The following ARIH2 variants were observed in gnomAD, a reference collection of about 807,000 sequenced individuals.
ARIH2 encodes ariadne RBR E3 ubiquitin protein ligase 2.
A neutral mutation model predicts 79.8 loss-of-function variants in ARIH2; 12 were observed. That is an observed-to-expected ratio of 0.15 (90% CI 0.10 to 0.24). ARIH2 has a LOEUF of 0.24. Ranked by LOEUF, ARIH2 falls within the 10% of genes least tolerant of loss-of-function variation. ARIH2 has a pLI of 1.00. For missense variants in ARIH2, 301 were observed against 618.3 expected (o/e 0.49, Z 5.44); for synonymous variants, 224 against 213.9 (o/e 1.05, Z -0.41).
At chr3:48,945,236 C>G in intron 3 of ARIH2, 1 of 1,279,392 alleles carries the variant, frequency 7.8e-7, no homozygotes, top group Non-Finnish European at 1.0e-6. Flanking sequence ...TTTCTTTTTT[C>G]TGGGGGAAAA....
intron 11 of ARIH2, among the ~76,000 whole-genome samples, chr3:48,978,255 GA>G (rs1221594286): frequency 1.4e-5 from 2 of 147,640 alleles, no homozygotes; most frequent in South Asian, 2.1e-4. Context: ...ACATATAGGG[GA>G]TTTTTTTTTT....
intron 3 of ARIH2, chr3:48,934,492 C>T (rs754732955): frequency 1.7e-5 from 17 of 985,218 alleles, no homozygotes; most frequent in Non-Finnish European, 1.9e-5. Flanking sequence ...GGCCTGGTTA[C>T]ACTGAGTGTT....
intron 11 of ARIH2, among the ~76,000 whole-genome samples, chr3:48,977,488 C>G (rs993471623): frequency 6.7e-6 from 1 of 150,156 alleles, no homozygotes; most frequent in African/African-American, 2.5e-5. Context: ...GACAGAGTCT[C>G]ACTCTGTCGC....
chr3:48,935,239 A>G (rs978677896), intron 3 of ARIH2, among the ~76,000 whole-genome samples: 1 of 152,224 alleles, frequency 6.6e-6, no homozygotes, highest in Admixed American at 6.5e-5. Flanking sequence ...ATAACTGTAA[A>G]CAAAACAGAC....
chr3:48,966,097 A>G (rs1019836189), intron 5 of ARIH2, among the ~76,000 whole-genome samples: 1 of 152,196 alleles, frequency 6.6e-6, no homozygotes, highest in African/African-American at 2.4e-5. Flanking sequence ...CACCCCTACC[A>G]TAGAAGCTGT....
At chr3:48,958,700 C>G (rs531952081) in intron 3 of ARIH2, among the ~76,000 whole-genome samples, 4 of 150,068 alleles carry the variant, frequency 2.7e-5, no homozygotes, top group African/African-American at 9.8e-5. Flanking sequence ...CAGAAGGAGA[C>G]TCCATCTCAA....
intron 3 of ARIH2, among the ~76,000 whole-genome samples, chr3:48,959,207 T>C (rs1326506715): frequency 2.0e-5 from 3 of 147,512 alleles, no homozygotes; most frequent in Non-Finnish European, 4.5e-5. Context: ...TCCCAGCTAC[T>C]AGGGAGGCGG....
intron 3 of ARIH2, among the ~76,000 whole-genome samples, chr3:48,931,303 T>C (rs2086318763): frequency 6.6e-6 from 1 of 152,144 alleles, no homozygotes; most frequent in Non-Finnish European, 1.5e-5. Flanking sequence ...CCCAGCACTA[T>C]GGGAGGCCGA....
chr3:48,968,556 C>G lies in ARIH2; in HGVS notation c.561C>G (p.Asp187Glu), dbSNP rs763886213. Reference protein sequence around the residue: ...VGVGVSCMAQDCPLRTPEDFV... With the variant: ...VGVGVSCMAQECPLRTPEDFV... Reference sequence around the variant, plus strand: ...CAGGAGTCTCTTGCATGGCTCAGGACTGTCCACTCCGTACACCAGAGGACT... The same window carrying G: ...CAGGAGTCTCTTGCATGGCTCAGGAGTGTCCACTCCGTACACCAGAGGACT... The change falls in exon 7 of 16, where the codon GAC (aspartate) becomes GAG (glutamate). Residue 187 changes from aspartate to glutamate, a missense_variant. Asp to Glu is a conservative substitution (Grantham distance 45). Around this residue, in one of 2 missense-constraint regions of ARIH2, gnomAD observed 223 missense variants for 349.4 expected, o/e 0.64. Coordinates refer to ENST00000356401, the MANE Select transcript of ARIH2 (RefSeq NM_006321.4). The G allele has an allele frequency of 6.8e-6, 11 of 1,610,602 alleles. No individual in the cohort carries two copies. In the Admixed American group the frequency reaches 1.3e-4, roughly 20 times the overall value.
At chr3:48,920,247 C>T (rs572573667) in intron 1 of ARIH2, among the ~76,000 whole-genome samples, 1 of 151,934 alleles carries the variant, frequency 6.6e-6, no homozygotes, top group Non-Finnish European at 1.5e-5. Flanking sequence ...TCCTAAAGTG[C>T]TGGGATTACA....
Position 48,918,874 on chromosome 3 carries a change from A to C in ARIH2, c.-286A>C, listed in dbSNP as rs747753591. 6.2e-7 allele frequency: 1 copy of C among 1,609,580 alleles called. No homozygotes were observed. The highest frequency in any genetic ancestry group is 8.5e-7 in the Non-Finnish European group (1 of 1,179,428). On this transcript the variant is annotated 5_prime_UTR_variant, in exon 1 of 16. Coordinates refer to ENST00000356401, the MANE Select transcript of ARIH2 (RefSeq NM_006321.4). Reference sequence around the variant, plus strand: ...TGGGGACGACTCTTCTGGAGGAAGCAGCGCGGGCTTGACCGGCGTCGGCCC... The same window carrying C: ...TGGGGACGACTCTTCTGGAGGAAGCCGCGCGGGCTTGACCGGCGTCGGCCC...
In ARIH2 at chr3:48,956,161, C is replaced by T. The variant is rs374657516; in HGVS notation, c.256-5451C>T. ...TCCTTTACTTTTTTTTTTTTTGAGA[C>T]GGAGTCTCACTCTGTCACCGAGGCT... On this transcript the variant is annotated intron_variant, in intron 3 of 15. Coordinates refer to ENST00000356401, the MANE Select transcript of ARIH2 (RefSeq NM_006321.4). 3.9e-4 allele frequency among the ~76,000 whole-genome samples: 58 copies of T among 149,602 alleles called. No individual in the cohort carries two copies. The East Asian group carries it at 7.6e-3, about 20-fold the overall frequency.
chr3:48,946,467 A>G (rs1248799506), intron 3 of ARIH2, among the ~76,000 whole-genome samples: 1 of 151,292 alleles, frequency 6.6e-6, no homozygotes, highest in Non-Finnish European at 1.5e-5. Flanking sequence ...AGTCAAAAAC[A>G]GACTATAGAG....
At chr3:48,961,152 T>C (rs1559809239) in intron 3 of ARIH2, among the ~76,000 whole-genome samples, 1 of 152,198 alleles carries the variant, frequency 6.6e-6, no homozygotes, top group South Asian at 2.1e-4. Context: ...ATATTTTGTT[T>C]GTTGTTTTCT....
At chr3:48,929,430 C>T (rs902791417) in intron 3 of ARIH2, among the ~76,000 whole-genome samples, 4 of 151,992 alleles carry the variant, frequency 2.6e-5, no homozygotes, top group African/African-American at 9.7e-5. Flanking sequence ...ACATGGTCAG[C>T]CTCCTGGAAA....
chr3:48,978,500 T>G, intron 11 of ARIH2, among the ~76,000 whole-genome samples: 1 of 134,240 alleles, frequency 7.4e-6, no homozygotes, highest in African/African-American at 2.8e-5. Context: ...TTTTTTTTGG[T>G]AGAGACGGGT....
At chr3:48,954,478 A>G (rs924936727) in intron 3 of ARIH2, among the ~76,000 whole-genome samples, 7 of 151,856 alleles carry the variant, frequency 4.6e-5, no homozygotes, top group African/African-American at 9.7e-5. Context: ...GGATCTCACT[A>G]TTTGCCCAGG....
Position 48,970,885 on chromosome 3 carries a change from A to T in ARIH2, c.770+181A>T, listed in dbSNP as rs1576488613. The T allele has an allele frequency of 5.6e-6, 3 of 533,302 alleles. No homozygotes were observed. In the East Asian group the frequency reaches 9.6e-5, roughly 17 times the overall value. 33.0% of individuals were successfully genotyped at this position (533,302 alleles called of 1,614,324 possible). A position where few individuals can be genotyped will look rare whatever the true frequency, so the allele number is the denominator to read the frequency against. ...TCTCATATTCCACTAGGTCTTCAAT[A>T]CATGCTCAGTCTGGAGGCAAGGAAG... On this transcript the variant is annotated intron_variant, in intron 8 of 15. Transcript: ENST00000356401.
chr3:48,933,190 C>G (rs1349195802), intron 3 of ARIH2, among the ~76,000 whole-genome samples: 1 of 151,878 alleles, frequency 6.6e-6, no homozygotes, highest in African/African-American at 2.4e-5. Flanking sequence ...AATCCTACTT[C>G]AGCCTCCCAA....
Sources: allele counts gnomAD v4.1 joint callset (sites outside exome capture counted in the v4.1 genomes callset), GRCh38; gene constraint gnomAD v4.1.1; regional missense constraint gnomAD v4.1.1; transcripts MANE v1.5; gene names NCBI Gene and HGNC (gene_info 2026-07-23, HGNC 2026-07-21).